Variants in CTNND2 observed in about 807,000 individuals in gnomAD.
CTNND2 encodes catenin delta-2.
Under a neutral mutation model 144.4 loss-of-function variants are expected in CTNND2, and 22 were observed. The observed-to-expected ratio is 0.15, with a 90% CI of 0.11 to 0.22. The LOEUF is 0.22. CTNND2 is among the 10% of genes least tolerant of loss of function. The pLI is 1.00. For synonymous variants in CTNND2, 751 were observed against 695.6 expected (o/e 1.08, Z -1.25); for missense variants, 1,353 against 1,618.8 (o/e 0.84, Z 2.82).
intron 3 of CTNND2, among the ~76,000 whole-genome samples, chr5:11,492,597 A>G (rs1201571163): frequency 2.0e-5 from 3 of 151,610 alleles, no homozygotes; most frequent in African/African-American, 7.3e-5. Context: ...AAAGAAATAA[A>G]CTAATACAAA....
intron 3 of CTNND2, among the ~76,000 whole-genome samples, chr5:11,430,843 T>C (rs554015347): frequency 2.0e-5 from 3 of 152,226 alleles, no homozygotes; most frequent in Non-Finnish European, 2.9e-5. Context: ...TTAGTTTATC[T>C]GGATAATCTG....
At chr5:11,289,214 C>G (rs1271736150) in intron 9 of CTNND2, among the ~76,000 whole-genome samples, 1 of 152,182 alleles carries the variant, frequency 6.6e-6, no homozygotes, top group Non-Finnish European at 1.5e-5. Context: ...TCCCAGTGTC[C>G]AGAGCATCTA....
At chr5:11,421,425 T>C (rs996365087) in intron 3 of CTNND2, among the ~76,000 whole-genome samples, 1 of 152,214 alleles carries the variant, frequency 6.6e-6, no homozygotes, top group African/African-American at 2.4e-5. Flanking sequence ...CTTTTGGTTT[T>C]GCATATTGGC....
chr5:11,455,180 G>A (rs138165867), intron 3 of CTNND2, among the ~76,000 whole-genome samples: 165 of 151,580 alleles, frequency 1.1e-3, no homozygotes, highest in African/African-American at 3.7e-3. Flanking sequence ...AGTAAAAAAC[G>A]CCAAGCAGAG....
At chr5:11,070,488 T>A (rs1022865449) in intron 16 of CTNND2, among the ~76,000 whole-genome samples, 5 of 152,038 alleles carry the variant, frequency 3.3e-5, no homozygotes, top group African/African-American at 1.2e-4. Context: ...CAGGACAATA[T>A]CATGTAGTGT....
chr5:11,148,891 T>C (rs559435721), intron 12 of CTNND2, among the ~76,000 whole-genome samples: 66 of 152,340 alleles, frequency 4.3e-4, no homozygotes, highest in African/African-American at 1.5e-3. Flanking sequence ...TGGCAGAGGA[T>C]GCTCTGCTTC....
rs1735946850 is a variant in CTNND2, at chr5:10,972,536, G to C, written c.*917C>G. 1 of 152,628 alleles carries C rather than the reference G, an allele frequency of 6.6e-6. No individual in the cohort carries two copies. The highest frequency in any genetic ancestry group is 1.5e-5 in the Non-Finnish European group (1 of 68,048). 9.5% of individuals were successfully genotyped at this position (152,628 alleles called of 1,614,324 possible). A position where few individuals can be genotyped will look rare whatever the true frequency, so the allele number is the denominator to read the frequency against. On this transcript the variant is annotated 3_prime_UTR_variant, in exon 22 of 22. Transcript: ENST00000304623. ...ACATTCTTAGCAAATATGGATGACAGATCAATTGTAATTTATTTTCTTTTA... is the reference window on the plus strand; with the variant it reads ...ACATTCTTAGCAAATATGGATGACACATCAATTGTAATTTATTTTCTTTTA...
At chr5:11,846,313 A>T (rs181617945) in intron 1 of CTNND2, among the ~76,000 whole-genome samples, 1 of 152,228 alleles carries the variant, frequency 6.6e-6, no homozygotes, top group East Asian at 1.9e-4. Context: ...ACAAACTATC[A>T]ATCTTTGACT....
chr5:11,498,648 C>T (rs971997789), intron 3 of CTNND2, among the ~76,000 whole-genome samples: 2 of 152,220 alleles, frequency 1.3e-5, no homozygotes, highest in African/African-American at 4.8e-5. Flanking sequence ...AGCTTCCCTT[C>T]CATACAGCCA....
chr5:11,094,197 C>T (rs746929285), intron 15 of CTNND2, among the ~76,000 whole-genome samples: 10 of 152,158 alleles, frequency 6.6e-5, no homozygotes, highest in African/African-American at 9.7e-5. Flanking sequence ...AGACTGACAT[C>T]CTAAGAGGCA....
chr5:11,310,345 C>T (rs1561195656), intron 9 of CTNND2, among the ~76,000 whole-genome samples: 1 of 152,004 alleles, frequency 6.6e-6, no homozygotes, highest in Non-Finnish European at 1.5e-5. Context: ...CTGCCATATC[C>T]TATTTGACAC....
chr5:10,981,761 C>T lies in CTNND2; in HGVS notation c.3417+12G>A, dbSNP rs1450853993. On this transcript the variant is annotated intron_variant, in intron 21 of 21. Coordinates refer to ENST00000304623, the MANE Select transcript of CTNND2 (RefSeq NM_001332.4). ...CTGAAAAGGAAATACAAACGTGTTGCATTTACTTTACCTGGTTGTGTTTGA... is the reference window on the plus strand; with the variant it reads ...CTGAAAAGGAAATACAAACGTGTTGTATTTACTTTACCTGGTTGTGTTTGA... 1 of 1,594,106 alleles carries T rather than the reference C, an allele frequency of 6.3e-7. No individual in the cohort carries two copies. Among genetic ancestry groups the T allele is most frequent in the Admixed American group, 1.7e-5 (1 of 59,610 alleles).
intron 5 of CTNND2, among the ~76,000 whole-genome samples, chr5:11,398,202 T>C (rs936715458): frequency 6.6e-6 from 1 of 152,232 alleles, no homozygotes; most frequent in African/African-American, 2.4e-5. Context: ...ATATAGACTA[T>C]AGCATAACCA....
intron 11 of CTNND2, among the ~76,000 whole-genome samples, chr5:11,173,919 A>G (rs1760198979): frequency 1.3e-5 from 2 of 152,330 alleles, no homozygotes; most frequent in African/African-American, 4.8e-5. Context: ...CATGCAGCAG[A>G]GAACAGGCTG....
intron 9 of CTNND2, among the ~76,000 whole-genome samples, chr5:11,263,429 A>G (rs912101971): frequency 6.6e-6 from 1 of 152,178 alleles, no homozygotes; most frequent in East Asian, 1.9e-4. Flanking sequence ...ACATGCAAAA[A>G]TGCTCATGAA....
intron 1 of CTNND2, among the ~76,000 whole-genome samples, chr5:11,735,916 G>C (rs1033300815): frequency 6.6e-6 from 1 of 152,154 alleles, no homozygotes; most frequent in Non-Finnish European, 1.5e-5. Flanking sequence ...TGCTGAGAAA[G>C]GGGGACTCTT....
intron 3 of CTNND2, among the ~76,000 whole-genome samples, chr5:11,548,764 T>C (rs1392712550): frequency 6.6e-6 from 1 of 152,208 alleles, no homozygotes; most frequent in African/African-American, 2.4e-5. Flanking sequence ...TACATTTTGT[T>C]TCTTAAAATT....
At chr5:11,834,293 C>T (rs561579730) in intron 1 of CTNND2, among the ~76,000 whole-genome samples, 4 of 152,160 alleles carry the variant, frequency 2.6e-5, no homozygotes, top group African/African-American at 9.7e-5. Context: ...CTTCCTCTAC[C>T]CATTTATCCA....
chr5:11,235,935 A>G (rs1338807920), intron 10 of CTNND2, among the ~76,000 whole-genome samples: 2 of 152,244 alleles, frequency 1.3e-5, no homozygotes, highest in Admixed American at 1.3e-4. Context: ...ACACGCCATA[A>G]AGATGACTCG....
Sources: gnomAD v4.1 joint callset for allele counts (sites outside exome capture counted in the v4.1 genomes callset) on GRCh38, gnomAD v4.1.1 for gene constraint, MANE v1.5 for transcripts, NCBI Gene and HGNC (gene_info 2026-07-23, HGNC 2026-07-21) for gene names.